ANKFN1: variants seen among roughly 807,000 people sequenced by gnomAD.
ANKFN1 encodes ankyrin repeat and fibronectin type-III domain-containing protein 1.
In ANKFN1, 74 loss-of-function variants were observed where a neutral mutation model predicts 108.7. The ratio of observed to expected loss-of-function variants is 0.68; its 90% CI spans 0.56 to 0.83. The LOEUF (loss-of-function observed/expected upper bound fraction) is 0.83. Among genes scored for constraint, ANKFN1 ranks in the 40% least tolerant of loss-of-function variants. The pLI is 0.00. For synonymous variants in ANKFN1, 547 were observed against 516.2 expected (o/e 1.06, Z -0.81); for missense variants, 1,505 against 1,382.3 (o/e 1.09, Z -1.41).
chr17:56,201,411 T>G (rs982508439), intron 1 of ANKFN1, among the ~76,000 whole-genome samples: 1 of 152,202 alleles, frequency 6.6e-6, no homozygotes, highest in Non-Finnish European at 1.5e-5. Flanking sequence ...GTGGCCCATA[T>G]CCTCACAATC....
At chr17:56,264,092 A>T (rs2043588674) in intron 3 of ANKFN1, among the ~76,000 whole-genome samples, 1 of 152,220 alleles carries the variant, frequency 6.6e-6, no homozygotes, top group African/African-American at 2.4e-5. Flanking sequence ...CCAAGTTCCT[A>T]TAGGAGCTGT....
At chr17:56,368,297 T>TTTTTTTTTTTTTTTTTTTTTAG (rs1598470005) in intron 6 of ANKFN1, 2 of 492,544 alleles carry the variant, frequency 4.1e-6, no homozygotes, top group Non-Finnish European at 5.7e-6. Flanking sequence ...TTTTTTTTTT[T>TTTTTTTTTTTTTTTTTTTTTAG]GAGAAGGAGT....
chr17:56,369,542 C>A (rs960129484), intron 6 of ANKFN1, among the ~76,000 whole-genome samples: 1 of 152,176 alleles, frequency 6.6e-6, no homozygotes, highest in Non-Finnish European at 1.5e-5. Flanking sequence ...ACTACACAGT[C>A]TAATATAATT....
At chr17:56,313,016 A>T (rs1035290930) in intron 3 of ANKFN1, among the ~76,000 whole-genome samples, 2 of 151,918 alleles carry the variant, frequency 1.3e-5, no homozygotes, top group Admixed American at 6.6e-5. Flanking sequence ...TTAGCCAGGC[A>T]TGGTGGTGGG....
intron 3 of ANKFN1, among the ~76,000 whole-genome samples, chr17:56,291,716 G>A (rs578068270): frequency 6.6e-6 from 1 of 152,230 alleles, no homozygotes; most frequent in Non-Finnish European, 1.5e-5. Flanking sequence ...GGGCCATTCA[G>A]AAATTCTTCA....
chr17:56,496,942 CTGTT>C (rs2051219002), intron 19 of ANKFN1, among the ~76,000 whole-genome samples: 1 of 152,010 alleles, frequency 6.6e-6, no homozygotes, highest in African/African-American at 2.4e-5. Context: ...TATAATAACT[CTGTT>C]TGTGGGTAGA....
chr17:56,142,211 G>A (rs1342444887), intron 4 of ANKFN1, among the ~76,000 whole-genome samples: 2 of 152,122 alleles, frequency 1.3e-5, no homozygotes, highest in Admixed American at 6.5e-5. Flanking sequence ...TTACAGGCAT[G>A]AGCCACCGCA....
intron 14 of ANKFN1, among the ~76,000 whole-genome samples, chr17:56,461,393 T>C (rs1017321637): frequency 3.9e-5 from 6 of 152,224 alleles, no homozygotes; most frequent in African/African-American, 1.2e-4. Flanking sequence ...CTTTTGGAGA[T>C]TGGCATATCC....
chr17:56,382,835 C>T (rs1598494387), intron 8 of ANKFN1, among the ~76,000 whole-genome samples: 2 of 152,276 alleles, frequency 1.3e-5, no homozygotes, highest in African/African-American at 4.8e-5. Flanking sequence ...AAAGCAAGTC[C>T]TGAGTGACCT....
At chr17:56,113,672 G>C (rs1340519654) in intron 4 of ANKFN1, among the ~76,000 whole-genome samples, 1 of 152,158 alleles carries the variant, frequency 6.6e-6, no homozygotes, top group East Asian at 1.9e-4. Flanking sequence ...CTTTGGCACG[G>C]TGCCTGGAAA....
chr17:56,377,825 A>T (rs1283817313), intron 8 of ANKFN1, among the ~76,000 whole-genome samples: 3 of 152,146 alleles, frequency 2.0e-5, no homozygotes, highest in African/African-American at 4.8e-5. Context: ...TTTTCCATCC[A>T]CAAGATGAAA....
chr17:56,145,940 A>G (rs1908230403), intron 4 of ANKFN1, among the ~76,000 whole-genome samples: 1 of 152,222 alleles, frequency 6.6e-6, no homozygotes, highest in Admixed American at 6.5e-5. Flanking sequence ...CTGAGACAAG[A>G]CAAGTTCCTT....
Position 56,085,008 on chromosome 17 carries a change from G to A in ANKFN1, c.288+38683G>A, listed in dbSNP as rs572164826. On this transcript the variant is annotated intron_variant, in intron 4 of 12. Coordinates refer to the ANKFN1 transcript ENST00000635860. ...AATATAATCTAGATGTGTGATTTTG[G>A]TAGATCACGTCTCCTGGTTTCAGTT... Among the ~76,000 whole-genome samples, 29 of 150,914 alleles carry A rather than the reference G, an allele frequency of 1.9e-4. 1 individual carries two copies. The highest frequency in any genetic ancestry group is 6.8e-4 in the African/African-American group (28 of 41,172).
intron 4 of ANKFN1, among the ~76,000 whole-genome samples, chr17:56,338,272 G>A (rs1239627703): frequency 6.6e-6 from 1 of 152,062 alleles, no homozygotes. Flanking sequence ...TGGACACAGG[G>A]CGGGGAACAT....
At chr17:56,047,199 T>C (rs1904693945) in intron 4 of ANKFN1, among the ~76,000 whole-genome samples, 1 of 152,206 alleles carries the variant, frequency 6.6e-6, no homozygotes, top group South Asian at 2.1e-4. Context: ...GTCATAAAGT[T>C]GCCTGTATCC....
At chr17:56,188,581 G>GTGTGTGTGTGTGTGTATATATA (rs1212242378) in intron 1 of ANKFN1, among the ~76,000 whole-genome samples, 1 of 49,668 alleles carries the variant, frequency 2.0e-5, no homozygotes, top group African/African-American at 1.0e-4. Context: ...GTGTGTGTGT[G>GTGTGTGTGTGTGTGTATATATA]TATATATATA....
At chr17:56,127,788 T>A (rs915641356) in intron 4 of ANKFN1, among the ~76,000 whole-genome samples, 2 of 152,196 alleles carry the variant, frequency 1.3e-5, no homozygotes, top group African/African-American at 4.8e-5. Context: ...AGATCCTAAC[T>A]AAAATTCTTA....
At chr17:56,172,516 CA>C (rs1910773138) in intron 1 of ANKFN1, among the ~76,000 whole-genome samples, 1 of 152,034 alleles carries the variant, frequency 6.6e-6, no homozygotes, top group African/African-American at 2.4e-5. Context: ...CAGTATGATA[CA>C]AAAGGCAGGG....
chr17:56,455,137 A>C (rs2049640641), intron 11 of ANKFN1, among the ~76,000 whole-genome samples: 1 of 152,090 alleles, frequency 6.6e-6, no homozygotes, highest in African/African-American at 2.4e-5. Context: ...CATCCATCTC[A>C]AGTCTTAAAT....
Sources: allele counts gnomAD v4.1 joint callset (sites outside exome capture counted in the v4.1 genomes callset), GRCh38; gene constraint gnomAD v4.1.1; transcripts MANE v1.5; gene names NCBI Gene and HGNC (gene_info 2026-07-23, HGNC 2026-07-21).